Variants in CYFIP1 observed in about 807,000 individuals in gnomAD.
CYFIP1 encodes cytoplasmic FMR1 interacting protein 1.
A neutral mutation model predicts 163.5 loss-of-function variants in CYFIP1; 58 were observed. The ratio of observed to expected loss-of-function variants is 0.35; its 90% CI spans 0.29 to 0.44. The LOEUF (loss-of-function observed/expected upper bound fraction) is 0.44, where lower values mean the gene tolerates loss of function less well. CYFIP1 is among the 20% of genes least tolerant of loss of function. The probability of loss-of-function intolerance (pLI) is 1.00; values close to 1 mark genes in which losing one functional copy is unlikely to be tolerated. For synonymous variants in CYFIP1, 663 were observed against 660.7 expected, an observed-to-expected ratio of 1.00 and a Z score of -0.05; for missense variants, 1,338 against 1,653.8, an observed-to-expected ratio of 0.81 and a Z score of 3.31.
At chr15:22,929,796 C>T (rs199725224) in intron 11 of CYFIP1, among the ~76,000 whole-genome samples, 4 of 150,364 alleles carry the variant, frequency 2.7e-5, no homozygotes, top group East Asian at 2.0e-4. Context: ...ATTAGCCGGG[C>T]GTGGTGGCGG....
intron 20 of CYFIP1, 131 bp from the exon 21 acceptor site, chr15:22,909,444 C>T (rs2060707470): frequency 9.3e-7 from 1 of 1,072,510 alleles, no homozygotes; most frequent in Non-Finnish European, 1.4e-6. Context: ...CGTTCAAGAC[C>T]CATCTCCCCA....
At chr15:22,899,581 C>T (rs1037510098) in intron 22 of CYFIP1, among the ~76,000 whole-genome samples, 24 of 152,092 alleles carry the variant, frequency 1.6e-4, no homozygotes, top group African/African-American at 5.3e-4. Context: ...CCATGTGAGA[C>T]ATCCCTCTCA....
At position 22,917,155 on chromosome 15, in the gene CYFIP1, G is replaced by C. The variant is rs910369017; in HGVS notation, c.1675-525C>G. 16 of 1,437,854 alleles carry C rather than the reference G, an allele frequency of 1.1e-5. No homozygotes were observed. Among genetic ancestry groups the C allele is most frequent in the African/African-American group, 2.9e-5 (2 of 69,716 alleles). 89.1% of individuals were successfully genotyped at this position (1,437,854 alleles called of 1,614,324 possible). A position where few individuals can be genotyped will look rare whatever the true frequency, so the allele number is the denominator to read the frequency against. ...GGAGGGTGGCTGGCACCACGCACAG[G>C]CCGAGGGCCGTCCCCCTGACCCTCC... On this transcript the variant is annotated intron_variant, in intron 15 of 30. Coordinates refer to ENST00000617928, the MANE Select transcript of CYFIP1 (RefSeq NM_014608.6). The surrounding 1 kb of genome is among the most constrained non-coding windows in gnomAD (Gnocchi z 4.2).
At chr15:22,939,552 A>C (rs1567002922) in intron 6 of CYFIP1, 45 bp from the exon 7 acceptor site, 4 of 762,002 alleles carry the variant, frequency 5.2e-6, no homozygotes, top group Non-Finnish European at 7.8e-6. Flanking sequence ...CCAACGTGCC[A>C]CATTTAAAAA....
At chr15:22,969,665 T>A (rs907173994) in intron 1 of CYFIP1, among the ~76,000 whole-genome samples, 2 of 152,146 alleles carry the variant, frequency 1.3e-5, no homozygotes, top group African/African-American at 4.8e-5. Context: ...ACATACATAT[T>A]TGCATTAAAT....
At chr15:22,969,217 T>C (rs570100298) in intron 1 of CYFIP1, among the ~76,000 whole-genome samples, 1 of 152,298 alleles carries the variant, frequency 6.6e-6, no homozygotes, top group South Asian at 2.1e-4. Context: ...CGGCTATCAC[T>C]GTACATCTGT....
intron 23 of CYFIP1, 105 bp downstream of exon 23, chr15:22,892,785 C>T (rs1422357265): frequency 3.9e-6 from 3 of 775,902 alleles, no homozygotes; most frequent in Non-Finnish European, 6.5e-6. Flanking sequence ...ATTTTATACA[C>T]AGCGTGATAC....
chr15:22,964,274 CCACACACACACACACACACACA>C (rs60879784), intron 1 of CYFIP1, among the ~76,000 whole-genome samples: 2 of 97,154 alleles, frequency 2.1e-5, no homozygotes, highest in African/African-American at 4.1e-5. Context: ...CTCCTCCTCA[CCACACACACACACACACACACA>C]CACACACACA....
intron 8 of CYFIP1, 112 bp downstream of exon 8, chr15:22,939,080 A>C: frequency 1.6e-4 from 199 of 1,220,664 alleles, no homozygotes; most frequent in Non-Finnish European, 2.0e-4. Context: ...CACACATGAC[A>C]GCATGCAAAT....
rs764868141 is a variant in CYFIP1, at chr15:22,947,222, G to A, written c.64C>T (p.Leu22=). ...SNVDLLEELP[L]PDQQPCIEPP... ...TCGATGCAGGGCTGCTGGTCGGGCA[G>A]GGGCAGCTCCTCCAGGAGGTCCACG... Residue 22 remains leucine (L), a synonymous_variant, in exon 2 of 31, where the codon CTG becomes TTG. Transcript: ENST00000617928. The A allele has an allele frequency of 6.2e-7, 1 of 1,614,004 alleles. No homozygotes were observed. Among genetic ancestry groups the A allele is most frequent in the South Asian group, 1.1e-5 (1 of 91,070 alleles).
At chr15:22,901,293 A>C (rs1289146490) in intron 22 of CYFIP1, among the ~76,000 whole-genome samples, 1 of 152,090 alleles carries the variant, frequency 6.6e-6, no homozygotes, top group Non-Finnish European at 1.5e-5. Flanking sequence ...TCGTCGACAG[A>C]TGTTAAAACG....
In CYFIP1 at chr15:22,868,614, A is replaced by ATAAT. The variant is rs912078358; in HGVS notation, c.*1410_*1413dup. On this transcript the variant is annotated 3_prime_UTR_variant, in exon 31 of 31. Transcript: ENST00000617928. ...TTAGGGAACTTTTTATAAAGAAAGA[A>ATAAT]TAATTGTTTGTTAGGCTTCATGTCA... 2 of 142,498 alleles carry ATAAT rather than the reference A, an allele frequency of 1.4e-5. No homozygotes were observed. The highest frequency in any genetic ancestry group is 2.2e-4 in the South Asian group (1 of 4,546). 8.8% of individuals were successfully genotyped at this position (142,498 alleles called of 1,614,324 possible).
intron 1 of CYFIP1, among the ~76,000 whole-genome samples, chr15:22,968,672 A>C (rs2062992136): frequency 6.6e-6 from 1 of 152,198 alleles, no homozygotes; most frequent in Non-Finnish European, 1.5e-5. Flanking sequence ...TGTGCATATG[A>C]AAACCTTATC....
intron 1 of CYFIP1, among the ~76,000 whole-genome samples, chr15:22,978,352 C>CAGAA (rs1555427889): frequency 1.9e-5 from 1 of 52,764 alleles, no homozygotes; most frequent in Non-Finnish European, 3.4e-5. Flanking sequence ...GACTCTGTCA[C>CAGAA]AAAAAAAAAA....
At chr15:22,920,039 AAACCCTACTTC>A (rs796731181) in intron 13 of CYFIP1, among the ~76,000 whole-genome samples, 11 of 152,030 alleles carry the variant, frequency 7.2e-5, no homozygotes, top group African/African-American at 2.7e-4. Flanking sequence ...AACAAAACAA[AAACCCTACTTC>A]AACATCTGAA....
At chr15:22,899,884 C>T (rs1021897546) in intron 22 of CYFIP1, among the ~76,000 whole-genome samples, 4 of 152,036 alleles carry the variant, frequency 2.6e-5, no homozygotes, top group African/African-American at 7.2e-5. Flanking sequence ...CCCATTTCTA[C>T]TAAAAATACA....
chr15:22,974,548 T>C (rs577384554), intron 1 of CYFIP1, among the ~76,000 whole-genome samples: 1 of 139,636 alleles, frequency 7.2e-6, no homozygotes, highest in East Asian at 2.2e-4. Context: ...GCCAACACGG[T>C]GAAACCCCTT....
intron 23 of CYFIP1, among the ~76,000 whole-genome samples, 159 bp from the exon 24 acceptor site, chr15:22,883,170 C>G (rs998129653): frequency 6.6e-6 from 1 of 152,156 alleles, no homozygotes; most frequent in Non-Finnish European, 1.5e-5. Flanking sequence ...AGTTACAAAA[C>G]CTACTTAGCC....
intron 1 of CYFIP1, among the ~76,000 whole-genome samples, chr15:22,964,554 G>A (rs1040382950): frequency 7.9e-5 from 12 of 152,072 alleles, no homozygotes; most frequent in Admixed American, 3.9e-4. Context: ...GCAGCTCCCC[G>A]GGGAGTCGGG....
Sources: allele counts gnomAD v4.1 joint callset (sites outside exome capture counted in the v4.1 genomes callset), GRCh38; gene constraint gnomAD v4.1.1; non-coding constraint Gnocchi (gnomAD v3.1); transcripts MANE v1.5; gene names NCBI Gene and HGNC (gene_info 2026-07-23, HGNC 2026-07-21).